ARMH3: variants seen among roughly 807,000 people sequenced by gnomAD.
ARMH3 encodes armadillo-like helical domain-containing protein 3.
Under a neutral mutation model 99.1 loss-of-function variants are expected in ARMH3, and 60 were observed. That is an observed-to-expected ratio of 0.61 (90% CI 0.49 to 0.75). ARMH3 has a LOEUF of 0.75. Ranked by LOEUF, ARMH3 falls within the 30% of genes least tolerant of loss-of-function variation. ARMH3 has a pLI of 0.00. For synonymous variants in ARMH3, 285 were observed against 292.8 expected (o/e 0.97, Z 0.27); for missense variants, 679 against 843.1 (o/e 0.81, Z 2.41).
chr10:101,956,596 C>T lies in ARMH3; in HGVS notation c.1705+1G>A. On this transcript the variant is annotated splice_donor_variant, in intron 22 of 25. Transcript: ENST00000370033. LOFTEE classifies it high-confidence loss of function. ...AGGAGTAAAAAGAAAAGGCAGCTTA[C>T]CCATGGAGTAGAGGTTGTCAAAGCT... 6.2e-7 allele frequency: 1 copy of T among 1,611,756 alleles called. No individual in the cohort carries two copies. The highest frequency in any genetic ancestry group is 8.5e-7 in the Non-Finnish European group (1 of 1,178,292).
intron 22 of ARMH3, among the ~76,000 whole-genome samples, chr10:101,956,019 A>G (rs1410266161): frequency 6.6e-6 from 1 of 152,192 alleles, no homozygotes; most frequent in Non-Finnish European, 1.5e-5. Context: ...CCTTTATACT[A>G]CAGGTAGAAT....
intron 20 of ARMH3, among the ~76,000 whole-genome samples, chr10:101,959,190 G>A (rs1390049446): frequency 1.3e-5 from 2 of 152,148 alleles, no homozygotes; most frequent in Non-Finnish European, 2.9e-5. Context: ...GCCCATTCAG[G>A]ATCACACAAC....
chr10:102,040,062 T>C lies in ARMH3; in HGVS notation c.53A>G (p.Lys18Arg), dbSNP rs1230000675. 1 of 1,614,234 alleles carries C rather than the reference T, an allele frequency of 6.2e-7. No homozygotes were observed. Among genetic ancestry groups the C allele is most frequent in the East Asian group, 2.2e-5 (1 of 44,880 alleles). The change falls in exon 2 of 26, where the codon AAA becomes AGA. Residue 18 changes from lysine (K) to arginine (R), a missense_variant. Around this residue, in one of 3 missense-constraint regions of ARMH3, gnomAD observed 280 missense variants for 354.6 expected, o/e 0.79. Coordinates refer to ENST00000370033, the MANE Select transcript of ARMH3 (RefSeq NM_024541.3). Reference protein sequence around the residue: ...GGLLRKSSASKKPLKEKVVLM... With the variant: ...GGLLRKSSASRKPLKEKVVLM... ...CACCACTTTTTCCTTCAGTGGTTTT[T>C]TGGAGGCTGAAGATTTCCGGAGCAA...
At chr10:101,922,373 G>C (rs945174087) in intron 23 of ARMH3, among the ~76,000 whole-genome samples, 1 of 152,122 alleles carries the variant, frequency 6.6e-6, no homozygotes, top group Non-Finnish European at 1.5e-5. Context: ...CTCCAGAGTA[G>C]CTGGGACTAT....
At chr10:101,937,881 G>C (rs1277548910) in intron 23 of ARMH3, among the ~76,000 whole-genome samples, 1 of 152,240 alleles carries the variant, frequency 6.6e-6, no homozygotes, top group East Asian at 1.9e-4. Flanking sequence ...TTTGTTTTGA[G>C]ACAGGGTCTC....
chr10:101,896,487 C>T (rs1479478240), intron 23 of ARMH3, among the ~76,000 whole-genome samples: 1 of 152,160 alleles, frequency 6.6e-6, no homozygotes, highest in East Asian at 1.9e-4. Context: ...ACACAATATT[C>T]TAAAGTTAGA....
chr10:101,923,691 A>G (rs1843391057), intron 23 of ARMH3, among the ~76,000 whole-genome samples: 1 of 152,204 alleles, frequency 6.6e-6, no homozygotes, highest in Non-Finnish European at 1.5e-5. Flanking sequence ...TTTCTCAACA[A>G]AAGAACTAAT....
intron 19 of ARMH3, among the ~76,000 whole-genome samples, chr10:101,983,417 G>T (rs1846318717): frequency 1.3e-5 from 2 of 152,280 alleles, no homozygotes; most frequent in Middle Eastern, 3.4e-3. Context: ...AAGTAGCTGG[G>T]ACTACAAGCA....
intron 18 of ARMH3, among the ~76,000 whole-genome samples, chr10:101,991,441 C>T (rs1355538860): frequency 1.3e-5 from 2 of 152,090 alleles, no homozygotes; most frequent in Admixed American, 6.6e-5. Flanking sequence ...AGTGCAATGC[C>T]GTGATCTTGG....
chr10:102,011,596 T>C (rs1289357292), intron 11 of ARMH3, 127 bp downstream of exon 11: 2 of 692,798 alleles, frequency 2.9e-6, no homozygotes, highest in Non-Finnish European at 4.7e-6. Flanking sequence ...AAATCTGCTC[T>C]GAGCAGCCTC....
intron 1 of ARMH3, among the ~76,000 whole-genome samples, chr10:102,046,228 T>G (rs1439778015): frequency 1.6e-5 from 2 of 128,756 alleles, no homozygotes; most frequent in Non-Finnish European, 3.2e-5. Context: ...AAGTTTACAA[T>G]GAGAAAACTA....
chr10:101,890,412 T>G (rs2067661371), intron 23 of ARMH3, among the ~76,000 whole-genome samples: 1 of 151,600 alleles, frequency 6.6e-6, no homozygotes, highest in South Asian at 2.1e-4. Flanking sequence ...CCCGGCTAAT[T>G]ATTTTTGTAT....
chr10:101,949,014 C>A (rs972982187), intron 22 of ARMH3, among the ~76,000 whole-genome samples: 12 of 151,430 alleles, frequency 7.9e-5, no homozygotes, highest in African/African-American at 2.9e-4. Context: ...AGAAGAAATT[C>A]AAGGGAAATA....
intron 23 of ARMH3, among the ~76,000 whole-genome samples, chr10:101,910,745 AAAC>A (rs923016245): frequency 4.6e-5 from 7 of 151,586 alleles, no homozygotes; most frequent in East Asian, 3.9e-4. Context: ...AAAAAAAAAA[AAAC>A]AACAACTCAA....
At chr10:102,024,837 T>A (rs982428072) in intron 6 of ARMH3, among the ~76,000 whole-genome samples, 1 of 151,340 alleles carries the variant, frequency 6.6e-6, no homozygotes, top group Non-Finnish European at 1.5e-5. Context: ...AAAAAAAAAT[T>A]ACTCAGAATC....
At chr10:101,951,055 C>G (rs181504248) in intron 22 of ARMH3, among the ~76,000 whole-genome samples, 1 of 152,280 alleles carries the variant, frequency 6.6e-6, no homozygotes, top group East Asian at 1.9e-4. Flanking sequence ...AAAATACTAA[C>G]AGCACCAAAT....
At chr10:102,049,282 C>T (rs1002508336) in intron 1 of ARMH3, among the ~76,000 whole-genome samples, 1 of 152,208 alleles carries the variant, frequency 6.6e-6, no homozygotes, top group East Asian at 1.9e-4. Context: ...TGGCTCACGC[C>T]TGTAATCCCA....
intron 19 of ARMH3, among the ~76,000 whole-genome samples, chr10:101,978,589 G>T (rs1846104379): frequency 6.6e-6 from 1 of 152,020 alleles, no homozygotes; most frequent in Admixed American, 6.6e-5. Flanking sequence ...CTTGAAGCCA[G>T]AAATTTCAGA....
intron 5 of ARMH3, among the ~76,000 whole-genome samples, chr10:102,027,490 G>A (rs1177147428): frequency 6.6e-6 from 1 of 152,034 alleles, no homozygotes; most frequent in Non-Finnish European, 1.5e-5. Flanking sequence ...CTCCCATTCT[G>A]AAAGAGAATG....
Sources: gnomAD v4.1 joint callset for allele counts (sites outside exome capture counted in the v4.1 genomes callset) on GRCh38, gnomAD v4.1.1 for gene constraint, gnomAD v4.1.1 regional missense constraint, MANE v1.5 for transcripts, NCBI Gene and HGNC (gene_info 2026-07-23, HGNC 2026-07-21) for gene names.